The following DLG2 variants were observed in gnomAD, a reference collection of about 807,000 sequenced individuals.
DLG2 encodes the protein discs large MAGUK scaffold protein 2, also known as disks large homolog 2.
A neutral mutation model predicts 132.5 loss-of-function variants in DLG2; 45 were observed. The ratio of observed to expected loss-of-function variants is 0.34; its 90% confidence interval spans 0.27 to 0.44. The LOEUF is 0.44. Among genes scored for constraint, DLG2 ranks in the 20% least tolerant of loss-of-function variants. DLG2 has a pLI of 1.00. For synonymous variants in DLG2, 424 were observed against 419.6 expected (o/e 1.01, Z -0.13); for missense variants, 1,045 against 1,196.9 (o/e 0.87, Z 1.87).
At chr11:84,711,550 A>G (rs2060454857) in intron 6 of DLG2, among the ~76,000 whole-genome samples, 1 of 151,760 alleles carries the variant, frequency 6.6e-6, no homozygotes, top group Non-Finnish European at 1.5e-5. Flanking sequence ...GAGAACTGAG[A>G]AAGCTGATGA....
chr11:84,557,134 T>C (rs2099413543), intron 6 of DLG2, among the ~76,000 whole-genome samples: 1 of 152,188 alleles, frequency 6.6e-6, no homozygotes, highest in African/African-American at 2.4e-5. Context: ...TAGTATTCAA[T>C]TACTTAATTT....
intron 18 of DLG2, among the ~76,000 whole-genome samples, chr11:83,696,154 G>A (rs2081898953): frequency 6.6e-6 from 1 of 152,162 alleles, no homozygotes; most frequent in South Asian, 2.1e-4. Context: ...AGAACAGTTA[G>A]GAGGCAATGG....
At chr11:84,632,254 T>A (rs369625467) in intron 6 of DLG2, among the ~76,000 whole-genome samples, 67 of 150,660 alleles carry the variant, frequency 4.4e-4, no homozygotes, top group Middle Eastern at 3.5e-3. Context: ...CTCTTTTCAG[T>A]CTTGCTTTTT....
chr11:84,322,963 G>A (rs535672038), intron 7 of DLG2, among the ~76,000 whole-genome samples: 6 of 151,776 alleles, frequency 4.0e-5, no homozygotes, highest in South Asian at 2.1e-4. Context: ...TAATTCCCTC[G>A]CAATCAAGTC....
chr11:83,490,385 C>T (rs1297665387), intron 21 of DLG2, among the ~76,000 whole-genome samples: 1 of 151,770 alleles, frequency 6.6e-6, no homozygotes. Flanking sequence ...AATGATGTAA[C>T]TAAAAATGGG....
At chr11:84,363,186 T>C (rs1052581624) in intron 7 of DLG2, among the ~76,000 whole-genome samples, 10 of 152,038 alleles carry the variant, frequency 6.6e-5, no homozygotes, top group Non-Finnish European at 1.3e-4. Flanking sequence ...TTCCTGACTT[T>C]TTAATGATCG....
At chr11:83,537,058 T>C (rs925960099) in intron 20 of DLG2, among the ~76,000 whole-genome samples, 1 of 152,130 alleles carries the variant, frequency 6.6e-6, no homozygotes, top group African/African-American at 2.4e-5. Context: ...CACTCACACT[T>C]AGACTCAAGC....
At position 84,251,247 on chromosome 11, in the gene DLG2, T is replaced by C. The variant is rs374843670; in HGVS notation, c.564A>G (p.Thr188=). The C allele has an allele frequency of 6.3e-7, 1 of 1,584,056 alleles. No individual in the cohort carries two copies. Among genetic ancestry groups the C allele is most frequent in the Non-Finnish European group, 8.6e-7 (1 of 1,168,604 alleles). The change falls in exon 8 of 28, where the codon ACA becomes ACG. Residue 188 remains threonine (T), a synonymous_variant. Transcript: ENST00000376104. ...PIIVNTDTLD[T]IPYVNGTEIE... ...TGAAAAAGTTACTTACATAAGGAATTGTGTCCAAAGTATCTGTGTTGACAA... is the reference window on the plus strand; with the variant it reads ...TGAAAAAGTTACTTACATAAGGAATCGTGTCCAAAGTATCTGTGTTGACAA...
intron 3 of DLG2, among the ~76,000 whole-genome samples, chr11:85,305,535 CAG>C (rs1196595709): frequency 6.6e-6 from 1 of 152,078 alleles, no homozygotes; most frequent in Non-Finnish European, 1.5e-5. Flanking sequence ...TTTTTTGAGA[CAG>C]AGTCTCACTC....
At chr11:84,244,653 T>A (rs1017425187) in intron 8 of DLG2, among the ~76,000 whole-genome samples, 2 of 152,222 alleles carry the variant, frequency 1.3e-5, no homozygotes, top group Non-Finnish European at 2.9e-5. Context: ...TAAAGCTGTT[T>A]CCTGGTAAGT....
At chr11:84,816,939 A>G (rs564495826) in intron 6 of DLG2, among the ~76,000 whole-genome samples, 1 of 152,090 alleles carries the variant, frequency 6.6e-6, no homozygotes, top group East Asian at 1.9e-4. Flanking sequence ...AACCTTCCTG[A>G]GAGTCAGTTT....
rs1164612085 is a variant in DLG2 at position 84,704,916 on chromosome 11, T to A, written c.358-170185A>T. Among the ~76,000 whole-genome samples the A allele has an allele frequency of 2.0e-5, 3 of 148,618 alleles. No homozygotes were observed. In the Admixed American group the frequency reaches 2.0e-4, roughly 10 times the overall value. ...TGTATATATACACATATATATACAT[T>A]ATGTATATACACATATATATTATAT... is the stretch of plus-strand genomic sequence containing the variant. On this transcript the variant is annotated intron_variant, in intron 6 of 27. Coordinates refer to ENST00000376104, the MANE Select transcript of DLG2 (RefSeq NM_001142699.3).
At chr11:84,543,520 A>ACCGT (rs1401684954) in intron 6 of DLG2, among the ~76,000 whole-genome samples, 1 of 151,918 alleles carries the variant, frequency 6.6e-6, no homozygotes, top group East Asian at 1.9e-4. Flanking sequence ...CACTGAACTA[A>ACCGT]CCGTCCCCGC....
intron 6 of DLG2, among the ~76,000 whole-genome samples, chr11:84,819,076 T>TACACACACACACACACAC (rs111644735): frequency 0.13 from 17,233 of 128,988 alleles, 1,556 homozygotes; most frequent in Non-Finnish European, 0.17. Flanking sequence ...CACTCACAAA[T>TACACACACACACACACAC]ACACACACAC....
chr11:83,943,648 AAATTAT>A (rs1445094395), intron 14 of DLG2, among the ~76,000 whole-genome samples: 5 of 152,200 alleles, frequency 3.3e-5, no homozygotes, highest in Admixed American at 3.3e-4. Context: ...TACTTCGGGG[AAATTAT>A]GTGCTAGCTA....
At chr11:85,408,124 A>T (rs1440126586) in intron 3 of DLG2, among the ~76,000 whole-genome samples, 1 of 150,668 alleles carries the variant, frequency 6.6e-6, no homozygotes, top group African/African-American at 2.4e-5. Context: ...TATCTTAAAA[A>T]TTCTGTAACA....
intron 6 of DLG2, chr11:84,640,383 G>A: frequency 2.7e-6 from 1 of 375,398 alleles, no homozygotes; most frequent in Non-Finnish European, 4.7e-6. Context: ...GCCAAATGTT[G>A]CTTGTTTGGT....
intron 6 of DLG2, among the ~76,000 whole-genome samples, chr11:85,084,662 G>A (rs532852845): frequency 5.3e-5 from 8 of 151,992 alleles, no homozygotes; most frequent in South Asian, 4.1e-4. Flanking sequence ...GCTCTATATC[G>A]GTTGCCATTT....
intron 6 of DLG2, among the ~76,000 whole-genome samples, chr11:84,708,544 T>C (rs1004092337): frequency 8.6e-5 from 13 of 151,960 alleles, no homozygotes; most frequent in Admixed American, 3.3e-4. Context: ...ACATTTTTTT[T>C]TTCTTTGCAA....
Sources: gnomAD v4.1 joint callset for allele counts (sites outside exome capture counted in the v4.1 genomes callset) on GRCh38, gnomAD v4.1.1 for gene constraint, MANE v1.5 for transcripts, NCBI Gene and HGNC (gene_info 2026-07-23, HGNC 2026-07-21) for gene names.